Variants in TRIM44 observed in about 807,000 individuals in gnomAD.
The protein encoded by TRIM44 is tripartite motif-containing protein 44.
A neutral mutation model predicts 37.4 loss-of-function variants in TRIM44; 13 were observed. The observed-to-expected ratio is 0.35, with a 90% CI of 0.23 to 0.55. The LOEUF (loss-of-function observed/expected upper bound fraction) is 0.55, where lower values mean the gene tolerates loss of function less well. TRIM44 is among the 20% of genes least tolerant of loss of function. TRIM44 has a pLI of 0.89. For missense variants in TRIM44, 426 were observed against 437.2 expected (o/e 0.97, Z 0.23); for synonymous variants, 175 against 157.2 (o/e 1.11, Z -0.85).
At chr11:35,747,093 T>A (rs1347335663) in intron 4 of TRIM44, among the ~76,000 whole-genome samples, 3 of 152,116 alleles carry the variant, frequency 2.0e-5, no homozygotes, top group Non-Finnish European at 4.4e-5. Context: ...GCTAGATGCA[T>A]CTTGGTCTAG....
At chr11:35,730,905 A>G (rs1377237546) in intron 3 of TRIM44, among the ~76,000 whole-genome samples, 1 of 142,862 alleles carries the variant, frequency 7.0e-6, no homozygotes, top group East Asian at 2.0e-4. Context: ...GCTGGAGTGC[A>G]GTGGCGTGAT....
intron 2 of TRIM44, among the ~76,000 whole-genome samples, chr11:35,686,648 C>T (rs1564950619): frequency 6.6e-6 from 1 of 152,040 alleles, no homozygotes. Context: ...CCTCTCCCTC[C>T]CAGGTTCAAG....
chr11:35,708,858 A>G (rs1195480276), intron 2 of TRIM44, among the ~76,000 whole-genome samples: 1 of 152,046 alleles, frequency 6.6e-6, no homozygotes, highest in Admixed American at 6.6e-5. Context: ...ACATGTATAC[A>G]ACTGTAACTA....
At chr11:35,756,764 CAT>C (rs1852649245) in intron 4 of TRIM44, among the ~76,000 whole-genome samples, 1 of 152,160 alleles carries the variant, frequency 6.6e-6, no homozygotes, top group Non-Finnish European at 1.5e-5. Context: ...TTGAGATAAT[CAT>C]GTGGTTTTTG....
chr11:35,735,308 T>TA (rs1852314355), intron 3 of TRIM44, 118 bp from the exon 4 acceptor site: 2 of 968,638 alleles, frequency 2.1e-6, no homozygotes, highest in Admixed American at 1.9e-5. Context: ...TTGTCTCTGT[T>TA]ACAATAAATG....
At chr11:35,668,736 G>A (rs910122403) in intron 1 of TRIM44, among the ~76,000 whole-genome samples, 1 of 152,136 alleles carries the variant, frequency 6.6e-6, no homozygotes, top group East Asian at 1.9e-4. Flanking sequence ...CCCAGTAATG[G>A]GATTGCTAGG....
At position 35,805,194 on chromosome 11, in the gene TRIM44, A is replaced by T. The variant is rs149772105; in HGVS notation, c.1008-1164A>T. ...TTTCATCTGGAAAACGGGGGATAAT[A>T]ATAGCCCCTACATAATAGGAAGAAT... is the stretch of plus-strand genomic sequence containing the variant. On this transcript the variant is annotated intron_variant, in intron 4 of 4. Coordinates refer to ENST00000299413, the MANE Select transcript of TRIM44 (RefSeq NM_017583.6). Among the ~76,000 whole-genome samples the T allele has an allele frequency of 2.3e-4, 35 of 152,302 alleles. No individual in the cohort carries two copies. The East Asian group carries it at 3.7e-3, about 16-fold the overall frequency.
At chr11:35,798,929 A>AT (rs1013801350) in intron 4 of TRIM44, among the ~76,000 whole-genome samples, 1 of 152,014 alleles carries the variant, frequency 6.6e-6, no homozygotes, top group Non-Finnish European at 1.5e-5. Context: ...ACATAATGGA[A>AT]TTTTTTTTCT....
intron 4 of TRIM44, among the ~76,000 whole-genome samples, chr11:35,798,029 C>A (rs1166679205): frequency 1.3e-5 from 2 of 152,124 alleles, no homozygotes. Context: ...CGGGGCACAG[C>A]ATGGTTTCAT....
chr11:35,771,696 G>C (rs1004834315), intron 4 of TRIM44, among the ~76,000 whole-genome samples: 3 of 150,036 alleles, frequency 2.0e-5, no homozygotes, highest in Non-Finnish European at 4.4e-5. Context: ...CTGCTCTCCA[G>C]CCAGGGTGAG....
At chr11:35,803,332 C>T (rs1394614427) in intron 4 of TRIM44, among the ~76,000 whole-genome samples, 2 of 151,326 alleles carry the variant, frequency 1.3e-5, no homozygotes, top group African/African-American at 4.9e-5. Flanking sequence ...AGTTGTAAGT[C>T]TAAGTGTGAC....
At chr11:35,739,814 G>A (rs1367061420) in intron 4 of TRIM44, among the ~76,000 whole-genome samples, 1 of 152,116 alleles carries the variant, frequency 6.6e-6, no homozygotes, top group Non-Finnish European at 1.5e-5. Flanking sequence ...TGTAAAACAT[G>A]TGTATTAACT....
intron 4 of TRIM44, among the ~76,000 whole-genome samples, chr11:35,776,604 A>G (rs1016507851): frequency 1.1e-4 from 16 of 152,332 alleles, no homozygotes; most frequent in Non-Finnish European, 2.4e-4. Flanking sequence ...TTAGTGCTAT[A>G]AATTTCCCTC....
At chr11:35,684,122 G>C (rs1289525006) in intron 1 of TRIM44, among the ~76,000 whole-genome samples, 2 of 152,074 alleles carry the variant, frequency 1.3e-5, no homozygotes, top group Non-Finnish European at 2.9e-5. Context: ...AATGGCACTA[G>C]GGCTCTAGTC....
At chr11:35,795,635 C>G (rs1853273271) in intron 4 of TRIM44, among the ~76,000 whole-genome samples, 1 of 152,054 alleles carries the variant, frequency 6.6e-6, no homozygotes, top group Admixed American at 6.5e-5. Flanking sequence ...ATCTTTAGCC[C>G]ATTGGAATGA....
intron 2 of TRIM44, among the ~76,000 whole-genome samples, chr11:35,720,352 G>GATT (rs1852085923): frequency 6.6e-6 from 1 of 151,242 alleles, no homozygotes; most frequent in Admixed American, 6.6e-5. Flanking sequence ...ATAGGAAGGT[G>GATT]ATTGACTTCT....
chr11:35,814,468 G>A lies in TRIM44; in HGVS notation c.*8083G>A, dbSNP rs1437830335. 1 of 152,150 alleles carries A rather than the reference G, an allele frequency of 6.6e-6. No individual in the cohort carries two copies. Among genetic ancestry groups the A allele is most frequent in the Admixed American group, 6.5e-5 (1 of 15,268 alleles). 9.4% of individuals were successfully genotyped at this position (152,150 alleles called of 1,614,324 possible). A position where few individuals can be genotyped will look rare whatever the true frequency, so the allele number is the denominator to read the frequency against. On this transcript the variant is annotated 3_prime_UTR_variant, in exon 5 of 5. Coordinates refer to ENST00000299413, the MANE Select transcript of TRIM44 (RefSeq NM_017583.6). ...AATACTAAGCCCTGGAACGAAGATAGGATTCATTTCTCATGGATTATTGAG... is the reference window on the plus strand; with the variant it reads ...AATACTAAGCCCTGGAACGAAGATAAGATTCATTTCTCATGGATTATTGAG...
intron 3 of TRIM44, among the ~76,000 whole-genome samples, chr11:35,731,818 G>A (rs1010541086): frequency 1.3e-5 from 2 of 151,978 alleles, no homozygotes; most frequent in Admixed American, 1.3e-4. Context: ...AATGATACAT[G>A]CATATGATAA....
chr11:35,700,581 C>T (rs1211762572), intron 2 of TRIM44, among the ~76,000 whole-genome samples: 1 of 152,198 alleles, frequency 6.6e-6, no homozygotes. Flanking sequence ...CCTTTCACAA[C>T]AACACAGACC....
Sources: allele counts gnomAD v4.1 joint callset (sites outside exome capture counted in the v4.1 genomes callset), GRCh38; gene constraint gnomAD v4.1.1; transcripts MANE v1.5; gene names NCBI Gene and HGNC (gene_info 2026-07-23, HGNC 2026-07-21).